The following AGO3 variants were observed in gnomAD, a reference collection of about 807,000 sequenced individuals.
AGO3 encodes argonaute RISC catalytic component 3.
A neutral mutation model predicts 105.5 loss-of-function variants in AGO3; 16 were observed. The observed-to-expected ratio is 0.15, with a 90% CI of 0.10 to 0.23. The LOEUF (loss-of-function observed/expected upper bound fraction) is 0.23. Ranked by LOEUF, AGO3 falls within the 10% of genes least tolerant of loss-of-function variation. AGO3 has a pLI of 1.00. For missense variants in AGO3, 534 were observed against 1,088.0 expected, an observed-to-expected ratio of 0.49 and a Z score of 7.16; for synonymous variants, 340 against 367.3, an observed-to-expected ratio of 0.93 and a Z score of 0.85.
chr1:35,955,242 C>G (rs533327809), intron 2 of AGO3, among the ~76,000 whole-genome samples: 1 of 152,132 alleles, frequency 6.6e-6, no homozygotes, highest in East Asian at 1.9e-4. Flanking sequence ...GACTTGAGTC[C>G]TGGAGAACAT....
chr1:35,963,583 A>G (rs1254634725), intron 2 of AGO3, among the ~76,000 whole-genome samples: 1 of 152,084 alleles, frequency 6.6e-6, no homozygotes, highest in Non-Finnish European at 1.5e-5. Context: ...CACACCATGA[A>G]CTGAGGAGTA....
intron 13 of AGO3, among the ~76,000 whole-genome samples, chr1:36,034,636 CCCCAAAAATTTTCA>C (rs1313595901): frequency 1.3e-5 from 2 of 152,164 alleles, no homozygotes; most frequent in African/African-American, 4.8e-5. Flanking sequence ...CAGGCTCAAG[CCCCAAAAATTTTCA>C]TTTAGTATGC....
At chr1:36,031,352 A>G (rs1175498526) in intron 12 of AGO3, among the ~76,000 whole-genome samples, 1 of 151,868 alleles carries the variant, frequency 6.6e-6, no homozygotes, top group African/African-American at 2.4e-5. Flanking sequence ...CTTTTCCTTC[A>G]TTTATGATTT....
chr1:36,059,337 T>G lies in AGO3; in HGVS notation c.*3592T>G, dbSNP rs1273468655. On this transcript the variant is annotated 3_prime_UTR_variant, in exon 19 of 19. Coordinates refer to ENST00000373191, the MANE Select transcript of AGO3 (RefSeq NM_024852.4). ...AGATAAAAGGCTAAGTGACAAATGC[T>G]TCTTGAAATTTGTCCTATTTATTGT... 6.6e-6 allele frequency: 1 copy of G among 152,064 alleles called. No individual in the cohort carries two copies. Among genetic ancestry groups the G allele is most frequent in the Non-Finnish European group, 1.5e-5 (1 of 67,998 alleles). 9.4% of individuals were successfully genotyped at this position (152,064 alleles called of 1,614,324 possible). A position where few individuals can be genotyped will look rare whatever the true frequency, so the allele number is the denominator to read the frequency against.
At chr1:36,043,619 A>G in intron 17 of AGO3, 71 bp downstream of exon 17, 1 of 1,267,552 alleles carries the variant, frequency 7.9e-7, no homozygotes, top group Non-Finnish European at 1.1e-6. Flanking sequence ...TTTAAATCTC[A>G]GAAAAAGGAT....
chr1:35,982,609 T>A (rs1337932732), intron 5 of AGO3: 2 of 717,506 alleles, frequency 2.8e-6, no homozygotes, highest in Non-Finnish European at 5.2e-6. Context: ...CATGATCATA[T>A]TTGTTTTCCA....
At chr1:35,997,548 T>C (rs1018075660) in intron 5 of AGO3, among the ~76,000 whole-genome samples, 5 of 152,202 alleles carry the variant, frequency 3.3e-5, no homozygotes, top group Admixed American at 3.3e-4. Flanking sequence ...TAGGCTCATA[T>C]AAGTGTTCTG....
chr1:35,995,789 C>A (rs1255262056), intron 5 of AGO3, among the ~76,000 whole-genome samples: 1 of 152,118 alleles, frequency 6.6e-6, no homozygotes, highest in African/African-American at 2.4e-5. Flanking sequence ...GTGATTCCCC[C>A]ACCTCAGCCT....
At chr1:35,945,406 T>A (rs1404459219) in intron 1 of AGO3, among the ~76,000 whole-genome samples, 4 of 152,144 alleles carry the variant, frequency 2.6e-5, no homozygotes. Flanking sequence ...ACTCTTTAGG[T>A]CTGACTTGTG....
chr1:35,996,321 C>G (rs1639807742), intron 5 of AGO3, among the ~76,000 whole-genome samples: 1 of 146,854 alleles, frequency 6.8e-6, no homozygotes, highest in African/African-American at 2.5e-5. Context: ...GACTCTGACT[C>G]TTAAAAAAAA....
upstream of AGO3, chr1:35,931,098 C>A: frequency 2.5e-6 from 1 of 393,380 alleles, no homozygotes; most frequent in Non-Finnish European, 4.5e-6. Context: ...CCGGGGCGGC[C>A]CCGGGCAGGT....
At chr1:35,999,509 T>C (rs1384493888) in intron 5 of AGO3, among the ~76,000 whole-genome samples, 1 of 152,204 alleles carries the variant, frequency 6.6e-6, no homozygotes, top group Non-Finnish European at 1.5e-5. Context: ...GGGTGTATTA[T>C]AACTCTGTTT....
chr1:35,966,924 A>G (rs748622678), intron 2 of AGO3, 31 bp from the exon 3 acceptor site: 50 of 1,589,188 alleles, frequency 3.1e-5, no homozygotes, highest in Non-Finnish European at 4.3e-5. Context: ...CTTACAGAGG[A>G]TTATGTGAAT....
intron 9 of AGO3, among the ~76,000 whole-genome samples, chr1:36,010,916 A>G (rs1019970657): frequency 1.1e-4 from 16 of 151,610 alleles, no homozygotes; most frequent in Non-Finnish European, 2.2e-4. Flanking sequence ...AAAAAAAAAA[A>G]AAGAGAGAGA....
rs1643127745 is a variant in AGO3, at chr1:36,068,904, A to C, written c.*13159A>C. 6.6e-6 allele frequency: 1 copy of C among 152,212 alleles called. No homozygotes were observed. Among genetic ancestry groups the C allele is most frequent in the Non-Finnish European group, 1.5e-5 (1 of 68,034 alleles). 9.4% of individuals were successfully genotyped at this position (152,212 alleles called of 1,614,324 possible). A position where few individuals can be genotyped will look rare whatever the true frequency, so the allele number is the denominator to read the frequency against. On this transcript the variant is annotated 3_prime_UTR_variant, in exon 19 of 19. Transcript: ENST00000373191. ...ATGGAGGAACTTTTGAAAGATCACAAATGGAAAAAGCCTATTGAGAATTTA... is the reference window on the plus strand; with the variant it reads ...ATGGAGGAACTTTTGAAAGATCACACATGGAAAAAGCCTATTGAGAATTTA...
intron 1 of AGO3, among the ~76,000 whole-genome samples, chr1:35,933,638 C>T (rs137881237): frequency 1.5e-5 from 1 of 68,260 alleles, no homozygotes; most frequent in Admixed American, 2.3e-4. Flanking sequence ...AAGACCCTGT[C>T]TCAAAAAAAA....
In AGO3 at chr1:35,967,049, A is replaced by C; in HGVS notation, c.286A>C (p.Asn96His). The part of the protein sequence containing the change: ...YDGKRSLYTA[N>H]PLPVATTGVD... ...TGGAAAAAGAAGTCTTTACACCGCCAATCCACTTCCTGTGGCAACTACAGG... is the reference window on the plus strand; with the variant it reads ...TGGAAAAAGAAGTCTTTACACCGCCCATCCACTTCCTGTGGCAACTACAGG... Residue 96 changes from asparagine (N) to histidine (H), a missense_variant, in exon 3 of 19, where the codon AAT becomes CAT. Around this residue, in one of 2 missense-constraint regions of AGO3, gnomAD observed 161 missense variants for 234.0 expected, o/e 0.69. Coordinates refer to ENST00000373191, the MANE Select transcript of AGO3 (RefSeq NM_024852.4). 1 of 1,613,554 alleles carries C rather than the reference A, an allele frequency of 6.2e-7. No individual in the cohort carries two copies. The highest frequency in any genetic ancestry group is 8.5e-7 in the Non-Finnish European group (1 of 1,179,816).
intron 11 of AGO3, among the ~76,000 whole-genome samples, chr1:36,020,367 G>A (rs1027235648): frequency 2.0e-5 from 3 of 152,164 alleles, no homozygotes; most frequent in African/African-American, 7.2e-5. Context: ...ATCTGGCCAA[G>A]TATTTTCTTG....
At chr1:36,042,217 T>C (rs1280002083) in intron 16 of AGO3, among the ~76,000 whole-genome samples, 1 of 152,268 alleles carries the variant, frequency 6.6e-6, no homozygotes, top group Admixed American at 6.5e-5. Flanking sequence ...CCTGAGTAGC[T>C]GGGATTACAG....
Sources: allele counts gnomAD v4.1 joint callset (sites outside exome capture counted in the v4.1 genomes callset), GRCh38; gene constraint gnomAD v4.1.1; regional missense constraint gnomAD v4.1.1; transcripts MANE v1.5; gene names NCBI Gene and HGNC (gene_info 2026-07-23, HGNC 2026-07-21).